The following RGS6 variants were observed in gnomAD, a reference collection of about 807,000 sequenced individuals.
RGS6 encodes the protein regulator of G-protein signaling 6.
In RGS6, 30 loss-of-function variants were observed where a neutral mutation model predicts 78.5. The observed-to-expected ratio is 0.38, with a 90% confidence interval of 0.29 to 0.52. The LOEUF is 0.52. RGS6 is among the 20% of genes least tolerant of loss of function. RGS6 has a pLI of 0.85. For synonymous variants in RGS6, 206 were observed against 206.0 expected (o/e 1.00, Z 0.00); for missense variants, 495 against 609.7 (o/e 0.81, Z 1.98).
chr14:72,103,453 CA>C (rs897443207), intron 2 of RGS6, among the ~76,000 whole-genome samples: 1 of 152,172 alleles, frequency 6.6e-6, no homozygotes, highest in Non-Finnish European at 1.5e-5. Context: ...AGGAGGAAAA[CA>C]ACAACTTTCA....
chr14:72,510,144 C>T lies in RGS6; in HGVS notation c.966-10C>T, dbSNP rs115013095. 215 of 1,586,860 alleles carry T rather than the reference C, an allele frequency of 1.4e-4. No homozygotes were observed. In the African/African-American group the frequency reaches 2.6e-3, roughly 19 times the overall value. On this transcript the variant is annotated splice_polypyrimidine_tract_variant and intron_variant, in intron 13 of 17. Coordinates refer to ENST00000553525, the MANE Select transcript of RGS6 (RefSeq NM_001204424.2). ...TGATCTTCTTTAAACCTTCTTCCTTCACCCCAAAGCAAAGAGCCCAGCCAA... is the reference window on the plus strand; with the variant it reads ...TGATCTTCTTTAAACCTTCTTCCTTTACCCCAAAGCAAAGAGCCCAGCCAA...
chr14:72,226,784 C>T (rs900937151), intron 2 of RGS6, among the ~76,000 whole-genome samples: 1 of 152,256 alleles, frequency 6.6e-6, no homozygotes, highest in African/African-American at 2.4e-5. Flanking sequence ...CTCACTGCAA[C>T]CTCCACCTCC....
At chr14:72,456,758 C>T (rs935947531) in intron 4 of RGS6, among the ~76,000 whole-genome samples, 1 of 152,080 alleles carries the variant, frequency 6.6e-6, no homozygotes, top group African/African-American at 2.4e-5. Flanking sequence ...TAGCTGGACT[C>T]ATGGTTCTTG....
chr14:71,972,880 CCCTAGGCT>C (rs1290557773), intron 2 of RGS6, among the ~76,000 whole-genome samples: 2 of 152,102 alleles, frequency 1.3e-5, no homozygotes, highest in East Asian at 3.9e-4. Context: ...GGAGTCTTTT[CCCTAGGCT>C]ATATCTGTGA....
intron 3 of RGS6, among the ~76,000 whole-genome samples, chr14:72,384,022 G>T (rs541127197): frequency 1.3e-5 from 2 of 152,070 alleles, no homozygotes; most frequent in African/African-American, 4.8e-5. Context: ...CTACATGGAC[G>T]TTAACTCAGA....
chr14:72,514,327 C>G (rs1484402073), intron 14 of RGS6, among the ~76,000 whole-genome samples: 1 of 152,216 alleles, frequency 6.6e-6, no homozygotes, highest in African/African-American at 2.4e-5. Context: ...CATGAAAATT[C>G]TAGTTTATGA....
rs367557004 is a variant in RGS6 at position 72,295,278 on chromosome 14, G to A, written c.85-56817G>A. On this transcript the variant is annotated intron_variant, in intron 2 of 17. Coordinates refer to ENST00000553525, the MANE Select transcript of RGS6 (RefSeq NM_001204424.2). Reference sequence around the variant, plus strand: ...TGCACTCCAGCCTGGGCGACAGAGCGAGACTCCGTCTCAAAAAAAAAAAAA... The same window carrying A: ...TGCACTCCAGCCTGGGCGACAGAGCAAGACTCCGTCTCAAAAAAAAAAAAA... Among the ~76,000 whole-genome samples the A allele has an allele frequency of 2.0e-4, 29 of 145,864 alleles. No individual in the cohort carries two copies. In the South Asian group the frequency reaches 5.5e-3, roughly 27 times the overall value.
At chr14:72,607,772 G>C in the RGS6 span, among the ~76,000 whole-genome samples, 2 of 152,178 alleles carry the variant, frequency 1.3e-5, no homozygotes, top group African/African-American at 4.8e-5. Flanking sequence ...TTGGGTGAAG[G>C]CCTGGCCTTT....
intron 2 of RGS6, among the ~76,000 whole-genome samples, chr14:72,183,318 G>A (rs1567404917): frequency 6.6e-6 from 1 of 152,158 alleles, no homozygotes; most frequent in Non-Finnish European, 1.5e-5. Context: ...CGTCTCTTCT[G>A]TCTTTTACAT....
At chr14:72,331,029 C>T (rs184483818) in intron 2 of RGS6, among the ~76,000 whole-genome samples, 48 of 152,266 alleles carry the variant, frequency 3.2e-4, no homozygotes, top group African/African-American at 6.5e-4. Context: ...AGAGGGCTTT[C>T]GGCCGAGTCC....
At chr14:72,065,257 A>C (rs2094087228) in intron 2 of RGS6, among the ~76,000 whole-genome samples, 1 of 152,186 alleles carries the variant, frequency 6.6e-6, no homozygotes, top group Non-Finnish European at 1.5e-5. Flanking sequence ...AGCAGGGGAC[A>C]GTGGGGAACA....
At chr14:72,238,762 T>C (rs1392160149) in intron 2 of RGS6, among the ~76,000 whole-genome samples, 1 of 152,144 alleles carries the variant, frequency 6.6e-6, no homozygotes, top group African/African-American at 2.4e-5. Flanking sequence ...TCCCAGCTGC[T>C]CTGGGATCAT....
chr14:72,580,985 C>G, the RGS6 span, among the ~76,000 whole-genome samples: 2 of 152,242 alleles, frequency 1.3e-5, no homozygotes, highest in Admixed American at 1.3e-4. Context: ...CTCTTTAGTT[C>G]ACAGGCAAGT....
chr14:72,285,273 T>A (rs1203946554), intron 2 of RGS6, among the ~76,000 whole-genome samples: 1 of 152,086 alleles, frequency 6.6e-6, no homozygotes, highest in African/African-American at 2.4e-5. Flanking sequence ...CCCACCCAAA[T>A]CTCATCTTGA....
chr14:72,099,188 G>T (rs1326005460), intron 2 of RGS6, among the ~76,000 whole-genome samples: 1 of 152,006 alleles, frequency 6.6e-6, no homozygotes, highest in African/African-American at 2.4e-5. Context: ...TTGAAATGGA[G>T]TCTCTCTGTC....
At chr14:72,518,225 T>C in intron 14 of RGS6, 126 bp from the exon 15 acceptor site, 1 of 794,062 alleles carries the variant, frequency 1.3e-6, no homozygotes, top group South Asian at 1.9e-5. Context: ...GCTCATGTAG[T>C]GGCATCAGGG....
intron 3 of RGS6, among the ~76,000 whole-genome samples, chr14:72,423,462 A>G (rs2094294970): frequency 6.6e-6 from 1 of 152,240 alleles, no homozygotes; most frequent in Admixed American, 6.5e-5. Flanking sequence ...AAAATGTGGT[A>G]CACATACACC....
At chr14:72,537,978 T>G (rs75125026) in intron 16 of RGS6, among the ~76,000 whole-genome samples, 1,764 of 152,332 alleles carry the variant, frequency 0.012, 32 homozygotes, top group African/African-American at 0.04. Context: ...AGGAAGGAAC[T>G]GGCAACCTGC....
At chr14:72,446,978 G>C (rs926528349) in intron 3 of RGS6, among the ~76,000 whole-genome samples, 1 of 152,104 alleles carries the variant, frequency 6.6e-6, no homozygotes, top group Non-Finnish European at 1.5e-5. Flanking sequence ...TGTGAGGCCT[G>C]GTTCCTAACA....
Sources: allele counts gnomAD v4.1 joint callset (sites outside exome capture counted in the v4.1 genomes callset), GRCh38; gene constraint gnomAD v4.1.1; transcripts MANE v1.5; gene names NCBI Gene and HGNC (gene_info 2026-07-23, HGNC 2026-07-21).